Variants in FBRSL1 observed in about 807,000 individuals in gnomAD.
The protein encoded by FBRSL1 is fibrosin-1-like protein.
Under a neutral mutation model 89.6 loss-of-function variants are expected in FBRSL1, and 51 were observed. That is an observed-to-expected ratio of 0.57 (90% confidence interval 0.45 to 0.72). FBRSL1 has a LOEUF of 0.72. Ranked by LOEUF, FBRSL1 falls within the 30% of genes least tolerant of loss-of-function variation. The pLI is 0.00. For missense variants in FBRSL1, 1,618 were observed against 1,451.8 expected, an observed-to-expected ratio of 1.11 and a Z score of -1.86; for synonymous variants, 779 against 681.1, an observed-to-expected ratio of 1.14 and a Z score of -2.24.
Position 132,571,050 on chromosome 12 carries a change from G to A in FBRSL1, c.1214-18G>A, listed in dbSNP as rs1305249798. On this transcript the variant is annotated intron_variant, in intron 8 of 18. Coordinates refer to ENST00000680143, the MANE Select transcript of FBRSL1 (RefSeq NM_001367871.1). ...TGGCTCCCGGGGAGGGGCTCACCGT[G>A]TTCTCTCTTGCCTCTAGATGCCAGC... The A allele has an allele frequency of 7.6e-7, 1 of 1,318,962 alleles. No individual in the cohort carries two copies. The highest frequency in any genetic ancestry group is 9.6e-7 in the Non-Finnish European group (1 of 1,037,594). 81.7% of individuals were successfully genotyped at this position (1,318,962 alleles called of 1,614,324 possible). A position where few individuals can be genotyped will look rare whatever the true frequency, so the allele number is the denominator to read the frequency against.
intron 4 of FBRSL1, among the ~76,000 whole-genome samples, chr12:132,537,122 C>T (rs972783910): frequency 5.3e-5 from 8 of 152,154 alleles, no homozygotes; most frequent in East Asian, 1.9e-4. Context: ...CAGGTGGCCA[C>T]GCTCGACAGG....
rs971416136 is a variant in FBRSL1 at position 132,584,037 on chromosome 12, G to A, written c.*259G>A. The A allele has an allele frequency of 2.0e-5, 4 of 203,368 alleles. No individual in the cohort carries two copies. Among genetic ancestry groups the A allele is most frequent in the Non-Finnish European group, 3.9e-5 (4 of 101,644 alleles). 12.6% of individuals were successfully genotyped at this position (203,368 alleles called of 1,614,324 possible). On this transcript the variant is annotated 3_prime_UTR_variant, in exon 19 of 19. Coordinates refer to ENST00000680143, the MANE Select transcript of FBRSL1 (RefSeq NM_001367871.1). ...GATGAGAAGTGTTTGTAATGGATTT[G>A]TATTTTTCTTAATTTTATGCTCTTT...
At chr12:132,521,718 G>T (rs894729897) in intron 2 of FBRSL1, among the ~76,000 whole-genome samples, 2 of 152,194 alleles carry the variant, frequency 1.3e-5, no homozygotes, top group African/African-American at 4.8e-5. Flanking sequence ...ATGGCTGTCA[G>T]AGTTGTGCAC....
rs2033067337 is a variant in FBRSL1 at position 132,502,178 on chromosome 12, G to A, written c.292-5975G>A. Among the ~76,000 whole-genome samples, 4 of 152,180 alleles carry A rather than the reference G, an allele frequency of 2.6e-5. No homozygotes were observed. In the South Asian group the frequency reaches 6.2e-4, roughly 24 times the overall value. ...CCCCGCATTTCCTTAGGGACAGAGG[G>A]GGCAGCTGCCTGCTTTCCCCCACCT... On this transcript the variant is annotated intron_variant, in intron 1 of 18. Coordinates refer to ENST00000680143, the MANE Select transcript of FBRSL1 (RefSeq NM_001367871.1).
chr12:132,492,353 C>T (rs2031173993), intron 1 of FBRSL1, among the ~76,000 whole-genome samples: 1 of 152,170 alleles, frequency 6.6e-6, no homozygotes, highest in African/African-American at 2.4e-5. Context: ...GTCGACGTTG[C>T]CCACCTTCTT....
chr12:132,513,049 C>T (rs921732681), intron 2 of FBRSL1, among the ~76,000 whole-genome samples: 2 of 152,242 alleles, frequency 1.3e-5, no homozygotes, highest in Non-Finnish European at 2.9e-5. Flanking sequence ...ACACTGCTGC[C>T]AGGCGTCGCC....
intron 2 of FBRSL1, among the ~76,000 whole-genome samples, chr12:132,520,693 G>C (rs899797517): frequency 3.3e-5 from 5 of 152,240 alleles, no homozygotes; most frequent in Non-Finnish European, 4.4e-5. Context: ...GGCCTGGGCA[G>C]GTTCGGGACA....
intron 5 of FBRSL1, among the ~76,000 whole-genome samples, chr12:132,558,127 C>T (rs962090024): frequency 2.0e-5 from 3 of 152,114 alleles, no homozygotes; most frequent in Admixed American, 6.5e-5. Context: ...TTTGTCCTCA[C>T]GGCCCCTCCT....
chr12:132,570,204 C>A lies in FBRSL1; in HGVS notation c.970C>A (p.His324Asn), dbSNP rs1566225502. Residue 324 changes from histidine (H) to asparagine (N), a missense_variant, in exon 7 of 19, where the codon CAC becomes AAC. His to Asn is a moderately conservative substitution (Grantham distance 68). Transcript: ENST00000680143. ...TGCATCCCTGGGCGCCTTCGCGGGC[C>A]ACAGCCAGGCGGCAGCCAACGGCCT... is the stretch of plus-strand genomic sequence containing the variant. Reference protein sequence around the residue: ...VPASLGAFAGHSQAAANGLHG... With the variant: ...VPASLGAFAGNSQAAANGLHG... The A allele has an allele frequency of 6.6e-7, 1 of 1,504,476 alleles. No individual in the cohort carries two copies. Among genetic ancestry groups the A allele is most frequent in the South Asian group, 1.2e-5 (1 of 80,280 alleles). 93.2% of individuals were successfully genotyped at this position (1,504,476 alleles called of 1,614,324 possible). A position where few individuals can be genotyped will look rare whatever the true frequency, so the allele number is the denominator to read the frequency against.
chr12:132,558,858 T>G (rs1055068995), intron 5 of FBRSL1, among the ~76,000 whole-genome samples: 1 of 152,208 alleles, frequency 6.6e-6, no homozygotes, highest in Non-Finnish European at 1.5e-5. Context: ...AAGCCCTCTG[T>G]CCCTGGCCGC....
intron 14 of FBRSL1, 140 bp downstream of exon 14, chr12:132,574,704 C>T (rs1016607379): frequency 1.6e-5 from 18 of 1,123,768 alleles, no homozygotes; most frequent in Admixed American, 2.7e-5. Flanking sequence ...CCTGCCCCTT[C>T]CTCTGGGTAC....
At chr12:132,550,550 C>G (rs1345150806) in intron 5 of FBRSL1, among the ~76,000 whole-genome samples, 1 of 152,118 alleles carries the variant, frequency 6.6e-6, no homozygotes, top group Non-Finnish European at 1.5e-5. Context: ...CTTGTTGGCC[C>G]GTCAGCCTGT....
At chr12:132,556,545 AC>A (rs869249300) in intron 5 of FBRSL1, among the ~76,000 whole-genome samples, 1 of 19,764 alleles carries the variant, frequency 5.1e-5, no homozygotes, top group Admixed American at 5.5e-4. Flanking sequence ...TTCGTGCTGC[AC>A]CCCCCTCCAC....
Position 132,583,257 on chromosome 12 carries a change from G to C in FBRSL1, c.2488G>C (p.Gly830Arg). The C allele has an allele frequency of 3.0e-6, 4 of 1,337,234 alleles. No homozygotes were observed. The highest frequency in any genetic ancestry group is 3.8e-6 in the Non-Finnish European group (4 of 1,045,012). The allele number at this position is 1,337,234 out of a possible 1,614,324, so 82.8% of individuals were successfully genotyped here. Residue 830 changes from glycine to arginine, a missense_variant, in exon 19 of 19, where the codon GGC (glycine) becomes CGC (arginine). By Grantham distance (125) the Gly-to-Arg change is moderately radical. Coordinates refer to ENST00000680143, the MANE Select transcript of FBRSL1 (RefSeq NM_001367871.1). ...EDEASEPPAG[G>R]LHPAPLQLGL... is the part of the protein sequence containing the mutation. ...CGAGGCCTCCGAGCCCCCGGCGGGCGGCCTGCACCCCGCGCCCCTGCAGCT... is the reference window on the plus strand; with the variant it reads ...CGAGGCCTCCGAGCCCCCGGCGGGCCGCCTGCACCCCGCGCCCCTGCAGCT...
intron 1 of FBRSL1, among the ~76,000 whole-genome samples, chr12:132,493,450 G>A (rs1036656226): frequency 1.3e-5 from 2 of 152,182 alleles, no homozygotes; most frequent in East Asian, 3.9e-4. Flanking sequence ...GCCTGCAGGA[G>A]TCCTGTTACC....
At chr12:132,510,245 G>A (rs913539210) in intron 2 of FBRSL1, 2 of 1,231,874 alleles carry the variant, frequency 1.6e-6, no homozygotes, top group Non-Finnish European at 2.0e-6. Flanking sequence ...CACTCCTGGG[G>A]CAGCCGGGCC....
chr12:132,571,234 G>A lies in FBRSL1; in HGVS notation c.1377+3G>A, dbSNP rs1026198291. 5 of 1,462,546 alleles carry A rather than the reference G, an allele frequency of 3.4e-6. No individual in the cohort carries two copies. Among genetic ancestry groups the A allele is most frequent in the Non-Finnish European group, 4.6e-6 (5 of 1,098,884 alleles). The allele number at this position is 1,462,546 out of a possible 1,614,324, so 90.6% of individuals were successfully genotyped here. A position where few individuals can be genotyped will look rare whatever the true frequency, so the allele number is the denominator to read the frequency against. ...CCTGCCGACCCCGGGAGTGCCAGGT[G>A]ACTATCCGCCTCGCCCCGCCGGGAG... is the stretch of plus-strand genomic sequence containing the variant. On this transcript the variant is annotated splice_donor_region_variant and intron_variant, in intron 9 of 18. Transcript: ENST00000680143.
chr12:132,519,101 C>T (rs1481515440), intron 2 of FBRSL1, among the ~76,000 whole-genome samples: 1 of 152,278 alleles, frequency 6.6e-6, no homozygotes, highest in Non-Finnish European at 1.5e-5. Flanking sequence ...TGTGCTGACT[C>T]AGGGAACACT....
intron 4 of FBRSL1, among the ~76,000 whole-genome samples, chr12:132,543,202 GC>G (rs1405815994): frequency 1.3e-5 from 2 of 152,238 alleles, no homozygotes; most frequent in Non-Finnish European, 2.9e-5. Context: ...GCTGTCCTGA[GC>G]CTGCCACGCA....
Sources: gnomAD v4.1 joint callset for allele counts (sites outside exome capture counted in the v4.1 genomes callset) on GRCh38, gnomAD v4.1.1 for gene constraint, MANE v1.5 for transcripts, NCBI Gene and HGNC (gene_info 2026-07-23, HGNC 2026-07-21) for gene names.